FAM163A: variants seen among roughly 807,000 people sequenced by gnomAD.
FAM163A encodes protein FAM163A.
FAM163A carries 7 observed loss-of-function variants against 12.0 expected under a neutral mutation model. The observed-to-expected ratio is 0.58, with a 90% CI of 0.33 to 1.10. The LOEUF (loss-of-function observed/expected upper bound fraction) is 1.10, where lower values mean the gene tolerates loss of function less well. Ranked by LOEUF, FAM163A falls within the 50% of genes least tolerant of loss-of-function variation. FAM163A has a pLI of 0.03. For synonymous variants in FAM163A, 101 were observed against 91.0 expected (o/e 1.11, Z -0.62); for missense variants, 202 against 218.6 (o/e 0.92, Z 0.48).
At chr1:179,729,781 TC>T in the FAM163A span, among the ~76,000 whole-genome samples, 14 of 152,232 alleles carry the variant, frequency 9.2e-5, no homozygotes, top group Non-Finnish European at 1.9e-4. Flanking sequence ...TGTCCTCTTT[TC>T]CCACTCTCCA....
In FAM163A at chr1:179,812,966, T is replaced by G. The variant is rs1394929163; in HGVS notation, c.-22-110T>G. 1.8e-5 allele frequency: 18 copies of G among 993,420 alleles called. 1 individual carries two copies. The allele number at this position is 993,420 out of a possible 1,614,324, so 61.5% of individuals were successfully genotyped here. A position where few individuals can be genotyped will look rare whatever the true frequency, so the allele number is the denominator to read the frequency against. ...GGGGCCTGGCCCTCCCGGCACCTGC[T>G]GCTCTCAGGCCCCCTGCCCCAGCCT... is the stretch of plus-strand genomic sequence containing the variant. On this transcript the variant is annotated intron_variant, in intron 3 of 4. Transcript: ENST00000341785.
At chr1:179,800,779 G>T (rs746193911) in intron 1 of FAM163A, among the ~76,000 whole-genome samples, 23 of 152,144 alleles carry the variant, frequency 1.5e-4, no homozygotes, top group Non-Finnish European at 3.2e-4. Flanking sequence ...AGACACAAAG[G>T]CCCAGCCAGA....
rs553601315 is a variant in FAM163A at position 179,814,705 on chromosome 1, C to A, written c.*516C>A. ...CTGCTTCAGGACGCGCTTGCTGAAA[C>A]GACTCCAACAGCTAGTTCACAGCCC... is the stretch of plus-strand genomic sequence containing the variant. On this transcript the variant is annotated 3_prime_UTR_variant, in exon 5 of 5. Coordinates refer to ENST00000341785, the MANE Select transcript of FAM163A (RefSeq NM_173509.3). 1.3e-5 allele frequency: 2 copies of A among 156,660 alleles called. No individual in the cohort carries two copies. Among genetic ancestry groups the A allele is most frequent in the East Asian group, 1.9e-4 (1 of 5,182 alleles). The allele number at this position is 156,660 out of a possible 1,614,324, so 9.7% of individuals were successfully genotyped here. A position where few individuals can be genotyped will look rare whatever the true frequency, so the allele number is the denominator to read the frequency against.
chr1:179,784,041 C>T (rs979159369), intron 1 of FAM163A, among the ~76,000 whole-genome samples: 2 of 152,068 alleles, frequency 1.3e-5, no homozygotes, highest in Admixed American at 6.6e-5. Flanking sequence ...GAGATTCCTG[C>T]TGCCTCTGAG....
At chr1:179,779,513 G>C (rs1193399437) in intron 1 of FAM163A, among the ~76,000 whole-genome samples, 1 of 152,206 alleles carries the variant, frequency 6.6e-6, no homozygotes, top group African/African-American at 2.4e-5. Context: ...AAAAGTCCCA[G>C]TGGGACCCCA....
chr1:179,730,823 C>T, the FAM163A span, among the ~76,000 whole-genome samples: 6 of 152,098 alleles, frequency 3.9e-5, no homozygotes, highest in African/African-American at 9.7e-5. Flanking sequence ...TGAGCAACAA[C>T]AATAAATAGA....
chr1:179,776,674 C>T (rs980524023), intron 1 of FAM163A, among the ~76,000 whole-genome samples: 11 of 152,056 alleles, frequency 7.2e-5, no homozygotes, highest in Non-Finnish European at 1.3e-4. Context: ...TGTCAAATTG[C>T]GAAATGGTCT....
intron 1 of FAM163A, among the ~76,000 whole-genome samples, chr1:179,801,411 C>T (rs750129731): frequency 2.0e-5 from 3 of 152,122 alleles, no homozygotes; most frequent in Non-Finnish European, 4.4e-5. Context: ...CAGCCAGACT[C>T]ACCCAGGGAT....
chr1:179,748,364 C>G (rs984822021), intron 1 of FAM163A, among the ~76,000 whole-genome samples: 4 of 152,078 alleles, frequency 2.6e-5, no homozygotes, highest in Non-Finnish European at 4.4e-5. Flanking sequence ...CTGCCAGAAC[C>G]CAGCAAGGAG....
At chr1:179,730,604 G>C in the FAM163A span, among the ~76,000 whole-genome samples, 1 of 152,270 alleles carries the variant, frequency 6.6e-6, no homozygotes, top group South Asian at 2.1e-4. Flanking sequence ...TGTTGTCATC[G>C]GTAGAAAATA....
At chr1:179,765,147 T>C (rs1281193434) in intron 1 of FAM163A, among the ~76,000 whole-genome samples, 2 of 152,192 alleles carry the variant, frequency 1.3e-5, no homozygotes, top group African/African-American at 2.4e-5. Context: ...CTGCCGCTGG[T>C]GGAGGCTGGT....
chr1:179,803,286 T>A lies in FAM163A; in HGVS notation c.-135-4512T>A, dbSNP rs1419121353. 2.0e-5 allele frequency among the ~76,000 whole-genome samples: 3 copies of A among 152,330 alleles called. 1 individual carries two copies. The East Asian group carries it at 5.8e-4, about 29-fold the overall frequency. The stretch of plus-strand genomic sequence containing the variant: ...GCCCCACTCAATTAACTTGTGCTCC[T>A]AAGGGGGCTGAGCAAGGAGCAGGGG... On this transcript the variant is annotated intron_variant, in intron 1 of 4. Coordinates refer to ENST00000341785, the MANE Select transcript of FAM163A (RefSeq NM_173509.3).
intron 2 of FAM163A, among the ~76,000 whole-genome samples, chr1:179,809,408 A>G (rs1371769773): frequency 6.6e-6 from 1 of 152,210 alleles, no homozygotes; most frequent in Non-Finnish European, 1.5e-5. Context: ...CGTGAGAGGA[A>G]TGTGAGAGCT....
In FAM163A at chr1:179,786,566, G is replaced by A. The variant is rs368720960; in HGVS notation, c.-135-21232G>A. On this transcript the variant is annotated intron_variant, in intron 1 of 4. Coordinates refer to ENST00000341785, the MANE Select transcript of FAM163A (RefSeq NM_173509.3). ...AGCCTTAAGGGGTAATACCAGCCAC[G>A]TGTGTGTAGCACTTAGCCACCTGCT... 2.6e-5 allele frequency among the ~76,000 whole-genome samples: 4 copies of A among 152,242 alleles called. No homozygotes were observed. The East Asian group carries it at 5.8e-4, about 22-fold the overall frequency.
chr1:179,800,160 C>T (rs1384567525), intron 1 of FAM163A, among the ~76,000 whole-genome samples: 1 of 152,230 alleles, frequency 6.6e-6, no homozygotes, highest in Non-Finnish European at 1.5e-5. Flanking sequence ...GGCTTTAGAC[C>T]AAAGTCACAG....
chr1:179,790,248 T>C (rs3905112), intron 1 of FAM163A, among the ~76,000 whole-genome samples: 82,834 of 133,546 alleles, frequency 0.62, 27,918 homozygotes, highest in African/African-American at 0.88. Context: ...TTTTTTGAGC[T>C]GCTGTTATGG....
intron 1 of FAM163A, among the ~76,000 whole-genome samples, chr1:179,805,413 G>A (rs1571572718): frequency 6.6e-6 from 1 of 152,176 alleles, no homozygotes; most frequent in Middle Eastern, 3.4e-3. Flanking sequence ...AGCTACTTGA[G>A]AGGCTGAGGC....
chr1:179,751,023 A>G (rs974803220), intron 1 of FAM163A, among the ~76,000 whole-genome samples: 1 of 152,162 alleles, frequency 6.6e-6, no homozygotes, highest in Non-Finnish European at 1.5e-5. Context: ...TTCCTAAGAC[A>G]GGAAACAGTG....
In FAM163A at chr1:179,773,783, A is replaced by G. The variant is rs555968169; in HGVS notation, c.-136+30360A>G. Among the ~76,000 whole-genome samples, 12 of 152,334 alleles carry G rather than the reference A, an allele frequency of 7.9e-5. No individual in the cohort carries two copies. The East Asian group carries it at 1.9e-3, about 25-fold the overall frequency. ...GGCCCCAAAGCTATGGCTGGTATTT[A>G]TGAAGCACTTGCCTCTTCACCCATA... On this transcript the variant is annotated intron_variant, in intron 1 of 4. Coordinates refer to ENST00000341785, the MANE Select transcript of FAM163A (RefSeq NM_173509.3).
Sources: allele counts gnomAD v4.1 joint callset (sites outside exome capture counted in the v4.1 genomes callset), GRCh38; gene constraint gnomAD v4.1.1; transcripts MANE v1.5; gene names NCBI Gene and HGNC (gene_info 2026-07-23, HGNC 2026-07-21).